CNGA3: variants seen among roughly 807,000 people sequenced by gnomAD.
CNGA3 encodes cyclic nucleotide gated channel subunit alpha 3.
In CNGA3, 42 loss-of-function variants were observed where a neutral mutation model predicts 46.6. The observed-to-expected ratio is 0.90, with a 90% CI of 0.70 to 1.17. CNGA3 has a LOEUF of 1.17. Ranked by LOEUF, CNGA3 falls within the 50% of genes most tolerant of loss-of-function variation. CNGA3 has a pLI of 0.00. For synonymous variants in CNGA3, 394 were observed against 369.4 expected, an observed-to-expected ratio of 1.07 and a Z score of -0.76; for missense variants, 893 against 890.7, an observed-to-expected ratio of 1.00 and a Z score of -0.03.
At chr2:98,375,018 GGTGCTGGA>G (rs1323637099) in intron 2 of CNGA3, among the ~76,000 whole-genome samples, 1 of 152,234 alleles carries the variant, frequency 6.6e-6, no homozygotes, top group African/African-American at 2.4e-5. Context: ...TCAGCCTGCA[GGTGCTGGA>G]GCAGGGACTC....
intron 2 of CNGA3, among the ~76,000 whole-genome samples, chr2:98,371,840 G>A (rs992935422): frequency 3.3e-5 from 5 of 152,170 alleles, no homozygotes; most frequent in East Asian, 3.8e-4. Context: ...AGAGAGGGTC[G>A]GGCATCAGGG....
At chr2:98,373,709 C>A (rs1692340097) in intron 2 of CNGA3, among the ~76,000 whole-genome samples, 1 of 152,164 alleles carries the variant, frequency 6.6e-6, no homozygotes, top group Non-Finnish European at 1.5e-5. Context: ...TATTTAAGAA[C>A]TGTCTGGCAT....
intron 4 of CNGA3, 75 bp downstream of exon 4, chr2:98,380,429 CTGTTT>C: frequency 6.5e-7 from 1 of 1,537,712 alleles, no homozygotes; most frequent in Non-Finnish European, 8.8e-7. Flanking sequence ...TTGCTCCATC[CTGTTT>C]GGATGCAGCA....
At chr2:98,355,538 C>A (rs1050746027) in intron 1 of CNGA3, among the ~76,000 whole-genome samples, 2 of 151,986 alleles carry the variant, frequency 1.3e-5, no homozygotes, top group African/African-American at 4.8e-5. Flanking sequence ...AGATGTTCTG[C>A]ACATATTTTA....
In CNGA3 at chr2:98,389,538, A is replaced by G. The variant is rs145220499; in HGVS notation, c.450-120A>G. 4.0e-4 allele frequency: 342 copies of G among 853,804 alleles called. 1 individual carries two copies. The East Asian group carries it at 7.5e-3, about 19-fold the overall frequency. 52.9% of individuals were successfully genotyped at this position (853,804 alleles called of 1,614,324 possible). Reference sequence around the variant, plus strand: ...ATGTGACTCCCTTGAGACTAAGAGGACCCTGTTGTGGACAGCCACATCTTG... The same window carrying G: ...ATGTGACTCCCTTGAGACTAAGAGGGCCCTGTTGTGGACAGCCACATCTTG... On this transcript the variant is annotated intron_variant, in intron 5 of 7. Coordinates refer to ENST00000272602, the MANE Select transcript of CNGA3 (RefSeq NM_001298.3).
Position 98,396,261 on chromosome 2 carries a change from C to T in CNGA3, c.1091C>T (p.Thr364Ile), listed in dbSNP as rs1415372391. Residue 364 changes from threonine (T) to isoleucine (I), a missense_variant, in exon 8 of 8, where the codon ACC becomes ATC. Thr to Ile is a moderately conservative substitution (Grantham distance 89). Transcript: ENST00000272602. ...CTCTACTGGTCCACCTTGACCCTTA[C>T]CACCATTGGTGAGACCCCACCCCCC... ...YSLYWSTLTL[T>I]TIGETPPPVK... is the part of the protein sequence containing the mutation. 9 of 1,613,288 alleles carry T rather than the reference C, an allele frequency of 5.6e-6. No individual in the cohort carries two copies. Among genetic ancestry groups the T allele is most frequent in the Non-Finnish European group, 7.6e-6 (9 of 1,179,426 alleles).
chr2:98,377,709 ACAT>A lies in CNGA3; in HGVS notation c.126_128del (p.Ser44del). On this transcript the variant is annotated inframe_deletion, in exon 3 of 8. Transcript: ENST00000272602. ...TAGAGCCCACTCGTCAAGTGAGGAG[ACAT>A]CGTCAGTGCTGCAGCCGGGGATCGC... The A allele has an allele frequency of 6.2e-7, 1 of 1,613,362 alleles. No homozygotes were observed. Among genetic ancestry groups the A allele is most frequent in the South Asian group, 1.1e-5 (1 of 90,940 alleles).
chr2:98,382,770 A>T lies in CNGA3; in HGVS notation c.396-618A>T, dbSNP rs528966527. On this transcript the variant is annotated intron_variant, in intron 4 of 7. Coordinates refer to ENST00000272602, the MANE Select transcript of CNGA3 (RefSeq NM_001298.3). ...AAAACCAGCCCCTACCTTCAACCAG[A>T]TTCTCACATAGATCAGGGGTGTCAG... Among the ~76,000 whole-genome samples the T allele has an allele frequency of 8.0e-4, 122 of 152,340 alleles. 1 individual carries two copies. The highest frequency in any genetic ancestry group is 2.9e-3 in the African/African-American group (120 of 41,568).
chr2:98,391,864 G>A lies in CNGA3; in HGVS notation c.567G>A (p.Arg189=). 1 of 1,614,032 alleles carries A rather than the reference G, an allele frequency of 6.2e-7. No homozygotes were observed. The highest frequency in any genetic ancestry group is 8.5e-7 in the Non-Finnish European group (1 of 1,179,962). Residue 189 remains arginine, a splice_region_variant and synonymous_variant, in exon 7 of 8, where the codon AGG becomes AGA. Coordinates refer to ENST00000272602, the MANE Select transcript of CNGA3 (RefSeq NM_001298.3). ...VFYNWYLLIC[R]ACFDELQSEY... ...TCCATCTCCCACATGGCTTCTTTAG[G>A]GCCTGTTTCGATGAGCTGCAGTCCG...
At chr2:98,378,178 G>C (rs4146045) in intron 3 of CNGA3, 1 of 1,550,426 alleles carries the variant, frequency 6.4e-7, no homozygotes, top group Non-Finnish European at 8.7e-7. Context: ...AGTCTGAAAT[G>C]GCTCTGGCAG....
chr2:98,365,637 C>T (rs1692129716), intron 1 of CNGA3, among the ~76,000 whole-genome samples: 1 of 151,976 alleles, frequency 6.6e-6, no homozygotes, highest in Non-Finnish European at 1.5e-5. Flanking sequence ...TCTTGTCTGC[C>T]TGTCTTATTT....
rs756642088 is a variant in CNGA3, at chr2:98,396,716, G to T, written c.1546G>T (p.Gly516Trp). 6.2e-7 allele frequency: 1 copy of T among 1,614,228 alleles called. No individual in the cohort carries two copies. Among genetic ancestry groups the T allele is most frequent in the South Asian group, 1.1e-5 (1 of 91,082 alleles). ...TTATATCTGCAAGAAGGGAGATATT[G>T]GGAAGGAGATGTACATCATCAACGA... ...GDYICKKGDI[G>W]KEMYIINEGK... The change falls in exon 8 of 8, where the codon GGG becomes TGG. Residue 516 changes from glycine to tryptophan, a missense_variant. Physicochemically the swap from Gly to Trp is radical, Grantham distance 184. Transcript: ENST00000272602.
At chr2:98,366,644 C>G (rs1325593768) in intron 1 of CNGA3, among the ~76,000 whole-genome samples, 3 of 152,196 alleles carry the variant, frequency 2.0e-5, no homozygotes, top group African/African-American at 7.2e-5. Flanking sequence ...CTGGGTTTAG[C>G]CTAAAGAGGC....
At chr2:98,395,799 AAGTC>A in intron 7 of CNGA3, 41 bp from the exon 8 acceptor site, 1 of 1,563,854 alleles carries the variant, frequency 6.4e-7, no homozygotes, top group Non-Finnish European at 8.8e-7. Flanking sequence ...TGGTCAAAAA[AAGTC>A]AGCCTCTGTG....
chr2:98,369,281 G>T (rs1055252587), intron 1 of CNGA3, among the ~76,000 whole-genome samples: 9 of 152,200 alleles, frequency 5.9e-5, no homozygotes, highest in African/African-American at 2.2e-4. Context: ...TTTTCAAGAC[G>T]ATTTCACAAG....
rs532718724 is a variant in CNGA3 at position 98,393,699 on chromosome 2, C to G, written c.673+1729C>G. 4.3e-4 allele frequency among the ~76,000 whole-genome samples: 66 copies of G among 152,246 alleles called. 1 individual carries two copies. The Middle Eastern group carries it at 0.014, about 31-fold the overall frequency. ...TTCAGTGGGATGAGACACCCCGACT[C>G]AGTCATTAACCCTGCACCTTCTTGT... On this transcript the variant is annotated intron_variant, in intron 7 of 7. Coordinates refer to ENST00000272602, the MANE Select transcript of CNGA3 (RefSeq NM_001298.3).
In CNGA3 at chr2:98,383,397, C is replaced by T. The variant is rs1300746995; in HGVS notation, c.405C>T (p.Pro135=). The T allele has an allele frequency of 6.2e-7, 1 of 1,614,112 alleles. No individual in the cohort carries two copies. The highest frequency in any genetic ancestry group is 1.1e-5 in the South Asian group (1 of 91,080). ...EPADRGRSAW[P]LAKCNTNTSN... is the part of the protein sequence containing the mutation. Reference sequence around the variant, plus strand: ...CTCTACCTTCCCGCAGCGCCTGGCCCCTGGCCAAATGCAACACTAACACCA... The same window carrying T: ...CTCTACCTTCCCGCAGCGCCTGGCCTCTGGCCAAATGCAACACTAACACCA... The change falls in exon 5 of 8, where the codon CCC becomes CCT. Residue 135 remains proline (P), a synonymous_variant. Coordinates refer to ENST00000272602, the MANE Select transcript of CNGA3 (RefSeq NM_001298.3).
At chr2:98,373,249 C>T (rs77698486) in intron 2 of CNGA3, among the ~76,000 whole-genome samples, 1,541 of 152,232 alleles carry the variant, frequency 0.01, 27 homozygotes, top group African/African-American at 0.035. Context: ...GCACATACCA[C>T]GCAAAAATTT....
chr2:98,363,939 A>T (rs1188801109), intron 1 of CNGA3, among the ~76,000 whole-genome samples: 1 of 152,180 alleles, frequency 6.6e-6, no homozygotes, highest in African/African-American at 2.4e-5. Context: ...ATCTCTTTGT[A>T]GGTCTCCAAG....
Sources: allele counts gnomAD v4.1 joint callset (sites outside exome capture counted in the v4.1 genomes callset), GRCh38; gene constraint gnomAD v4.1.1; transcripts MANE v1.5; gene names NCBI Gene and HGNC (gene_info 2026-07-23, HGNC 2026-07-21).